The following AP2B1 variants were observed in gnomAD, a reference collection of about 807,000 sequenced individuals.
The protein encoded by AP2B1 is AP-2 complex subunit beta.
AP2B1 carries 23 observed loss-of-function variants against 102.0 expected under a neutral mutation model. The ratio of observed to expected loss-of-function variants is 0.23; its 90% confidence interval spans 0.16 to 0.32. The LOEUF (loss-of-function observed/expected upper bound fraction) is 0.32. AP2B1 is among the 10% of genes least tolerant of loss of function. The pLI is 1.00. For synonymous variants in AP2B1, 381 were observed against 421.2 expected, an observed-to-expected ratio of 0.90 and a Z score of 1.17; for missense variants, 541 against 1,157.4, an observed-to-expected ratio of 0.47 and a Z score of 7.73.
At chr17:35,642,762 T>C (rs1370644137) in intron 12 of AP2B1, among the ~76,000 whole-genome samples, 3 of 152,206 alleles carry the variant, frequency 2.0e-5, no homozygotes, top group African/African-American at 7.2e-5. Context: ...GTAATCAAAA[T>C]TTAAAACCCT....
At chr17:35,675,103 G>T (rs949801649) in intron 17 of AP2B1, among the ~76,000 whole-genome samples, 4 of 152,142 alleles carry the variant, frequency 2.6e-5, no homozygotes, top group African/African-American at 7.2e-5. Flanking sequence ...CATAAACCTT[G>T]ACAACCTCCT....
At chr17:35,674,822 A>C (rs546293350) in intron 17 of AP2B1, among the ~76,000 whole-genome samples, 1 of 152,364 alleles carries the variant, frequency 6.6e-6, no homozygotes, top group Admixed American at 6.5e-5. Flanking sequence ...TTTGTTGGGA[A>C]ACTCATCCAA....
chr17:35,626,822 C>T lies in AP2B1; in HGVS notation c.918C>T (p.Ile306=), dbSNP rs761939204. The T allele has an allele frequency of 1.4e-5, 22 of 1,613,810 alleles. No individual in the cohort carries two copies. The highest frequency in any genetic ancestry group is 1.6e-4 in the Middle Eastern group (1 of 6,082). The change falls in exon 7 of 22, where the codon ATC becomes ATT. Residue 306 remains isoleucine, a synonymous_variant. Transcript: ENST00000610402. ...TGCAGTATGTCGCCCTGAGGAACAT[C>T]AACTTAATTGTCCAGAAAAGGTTGG... ...PEVQYVALRN[I]NLIVQKRPEI...
At chr17:35,599,153 G>A (rs924694649) in intron 3 of AP2B1, among the ~76,000 whole-genome samples, 7 of 152,214 alleles carry the variant, frequency 4.6e-5, no homozygotes, top group African/African-American at 1.7e-4. Context: ...ATGAAATAGG[G>A]ATTACCCATA....
intron 14 of AP2B1, among the ~76,000 whole-genome samples, chr17:35,666,613 A>G (rs1320555273): frequency 6.6e-6 from 1 of 152,178 alleles, no homozygotes; most frequent in African/African-American, 2.4e-5. Context: ...CAATCCTGGG[A>G]ACAATAGTGA....
chr17:35,651,882 A>G (rs144837235), intron 13 of AP2B1, among the ~76,000 whole-genome samples: 104 of 152,290 alleles, frequency 6.8e-4, no homozygotes, highest in African/African-American at 2.4e-3. Flanking sequence ...AACATGTTTA[A>G]CATTCTATAG....
intron 3 of AP2B1, among the ~76,000 whole-genome samples, chr17:35,599,297 T>C (rs951197530): frequency 6.6e-6 from 1 of 152,356 alleles, no homozygotes; most frequent in Admixed American, 6.5e-5. Flanking sequence ...ACTTTGGTAT[T>C]TGGGAGATAT....
chr17:35,671,697 A>G, intron 15 of AP2B1, 57 bp from the exon 16 acceptor site: 2 of 1,548,264 alleles, frequency 1.3e-6, no homozygotes, highest in South Asian at 2.3e-5. Flanking sequence ...CAATATTTTA[A>G]GGACTGTTAA....
chr17:35,712,666 A>T (rs1019592546), intron 20 of AP2B1, among the ~76,000 whole-genome samples: 9 of 152,152 alleles, frequency 5.9e-5, no homozygotes, highest in Non-Finnish European at 1.2e-4. Context: ...CAAAGAAAAA[A>T]AGCGTTTTGT....
chr17:35,640,570 A>G (rs1404536934), intron 11 of AP2B1, among the ~76,000 whole-genome samples: 2 of 152,208 alleles, frequency 1.3e-5, no homozygotes, highest in Non-Finnish European at 1.5e-5. Flanking sequence ...AAAAACCTAC[A>G]TAACTCAGAC....
At chr17:35,614,187 A>T (rs2073947093) in intron 5 of AP2B1, among the ~76,000 whole-genome samples, 1 of 151,852 alleles carries the variant, frequency 6.6e-6, no homozygotes, top group Non-Finnish European at 1.5e-5. Context: ...GTTTTTATTT[A>T]TTTTAAAAAT....
At chr17:35,686,280 A>G (rs2075929227) in intron 18 of AP2B1, among the ~76,000 whole-genome samples, 1 of 152,242 alleles carries the variant, frequency 6.6e-6, no homozygotes, top group Non-Finnish European at 1.5e-5. Context: ...TTCCTTAAAA[A>G]GAGAATTGAT....
intron 13 of AP2B1, among the ~76,000 whole-genome samples, chr17:35,655,649 G>A (rs1339227480): frequency 6.6e-6 from 1 of 152,070 alleles, no homozygotes; most frequent in South Asian, 2.1e-4. Flanking sequence ...TTTCTCTTGG[G>A]CATATACCTA....
chr17:35,591,586 A>T (rs1402303940), intron 1 of AP2B1, among the ~76,000 whole-genome samples: 3 of 152,254 alleles, frequency 2.0e-5, no homozygotes, highest in Admixed American at 6.5e-5. Flanking sequence ...ATAGCATAGC[A>T]TAGTAAATAT....
At chr17:35,701,931 T>C (rs796150139) in intron 18 of AP2B1, among the ~76,000 whole-genome samples, 1 of 152,160 alleles carries the variant, frequency 6.6e-6, no homozygotes, top group South Asian at 2.1e-4. Context: ...CCCATAGAAC[T>C]TTTAAGTTCA....
At chr17:35,593,175 AT>A (rs765534972) in intron 1 of AP2B1, among the ~76,000 whole-genome samples, 3 of 151,014 alleles carry the variant, frequency 2.0e-5, no homozygotes, top group African/African-American at 2.4e-5. Flanking sequence ...AGAAAGCCAC[AT>A]TTTTTTTTAA....
At chr17:35,624,281 G>A in intron 5 of AP2B1, 116 bp from the exon 6 acceptor site, 1 of 916,498 alleles carries the variant, frequency 1.1e-6, no homozygotes. Context: ...TAGGTAAAAT[G>A]TTCAGGAATG....
chr17:35,692,451 G>A (rs2076059047), intron 18 of AP2B1, among the ~76,000 whole-genome samples: 1 of 152,146 alleles, frequency 6.6e-6, no homozygotes, highest in African/African-American at 2.4e-5. Context: ...TTTAGATTTA[G>A]CTTGTAGTGC....
chr17:35,703,272 A>G (rs1204052769), intron 18 of AP2B1, among the ~76,000 whole-genome samples: 22 of 150,714 alleles, frequency 1.5e-4, no homozygotes, highest in African/African-American at 4.6e-4. Context: ...CTCAAAAAAA[A>G]AAAAAAAAAA....
Sources: allele counts gnomAD v4.1 joint callset (sites outside exome capture counted in the v4.1 genomes callset), GRCh38; gene constraint gnomAD v4.1.1; transcripts MANE v1.5; gene names NCBI Gene and HGNC (gene_info 2026-07-23, HGNC 2026-07-21).